Variants in PLA2G12A observed in about 807,000 individuals in gnomAD.
PLA2G12A encodes group XIIA secretory phospholipase A2.
PLA2G12A carries 11 observed loss-of-function variants against 16.0 expected under a neutral mutation model. The ratio of observed to expected loss-of-function variants is 0.69; its 90% CI spans 0.43 to 1.13. PLA2G12A has a LOEUF of 1.13. Among genes scored for constraint, PLA2G12A ranks in the 50% most tolerant of loss-of-function variants. PLA2G12A has a pLI of 0.00. For missense variants in PLA2G12A, 214 were observed against 237.3 expected (o/e 0.90, Z 0.65); for synonymous variants, 77 against 93.8 (o/e 0.82, Z 1.03).
At chr4:109,721,139 T>C (rs1027397452) in intron 1 of PLA2G12A, among the ~76,000 whole-genome samples, 2 of 151,968 alleles carry the variant, frequency 1.3e-5, no homozygotes, top group African/African-American at 4.8e-5. Context: ...CAAAAAGGAA[T>C]GGTTAAGATG....
chr4:109,720,770 T>TATA (rs1022803002), intron 1 of PLA2G12A, among the ~76,000 whole-genome samples: 2 of 150,200 alleles, frequency 1.3e-5, no homozygotes, highest in Non-Finnish European at 3.0e-5. Flanking sequence ...CTCACGAAGA[T>TATA]ATAAAGCTAT....
At position 109,713,964 on chromosome 4, in the gene PLA2G12A, G is replaced by A. The variant is rs1730779136; in HGVS notation, c.*413C>T. The A allele has an allele frequency of 6.2e-6, 1 of 161,358 alleles. No homozygotes were observed. Among genetic ancestry groups the A allele is most frequent in the Non-Finnish European group, 1.4e-5 (1 of 73,400 alleles). 10.0% of individuals were successfully genotyped at this position (161,358 alleles called of 1,614,324 possible). On this transcript the variant is annotated 3_prime_UTR_variant, in exon 4 of 4. Coordinates refer to ENST00000243501, the MANE Select transcript of PLA2G12A (RefSeq NM_030821.5). The stretch of plus-strand genomic sequence containing the variant: ...AAAATTTCATAGTAAACAAATACTT[G>A]TAAGTGATAATTTCCCCATTTTCCA...
intron 3 of PLA2G12A, 85 bp downstream of exon 3, chr4:109,717,463 A>G: frequency 1.5e-6 from 2 of 1,360,100 alleles, no homozygotes; most frequent in Non-Finnish European, 2.0e-6. Flanking sequence ...AAAGATTTCT[A>G]TTGGTAAATC....
chr4:109,729,637 C>A lies in PLA2G12A; in HGVS notation c.173G>T (p.Gly58Val). ...YLNAALDLLG[G>V]EDGLCQYKCS... is the part of the protein sequence containing the mutation. ...TTTATACTGGCAGAGACCGTCCTCG[C>A]CTCCCAGGAGGTCCAAGGCGGCGTT... Residue 58 changes from glycine (G) to valine (V), a missense_variant, in exon 1 of 4, where the codon GGC becomes GTC. Physicochemically the swap from Gly to Val is moderately radical, Grantham distance 109. Transcript: ENST00000243501. 1 of 1,611,994 alleles carries A rather than the reference C, an allele frequency of 6.2e-7. No homozygotes were observed. The highest frequency in any genetic ancestry group is 8.5e-7 in the Non-Finnish European group (1 of 1,179,826).
At chr4:109,725,096 GAAGA>G (rs1365301696) in intron 1 of PLA2G12A, among the ~76,000 whole-genome samples, 1 of 152,108 alleles carries the variant, frequency 6.6e-6, no homozygotes, top group African/African-American at 2.4e-5. Context: ...CGGTTTCTAT[GAAGA>G]AAGGACTTAG....
chr4:109,724,716 A>G (rs937420020), intron 1 of PLA2G12A, among the ~76,000 whole-genome samples: 1 of 152,208 alleles, frequency 6.6e-6, no homozygotes, highest in African/African-American at 2.4e-5. Flanking sequence ...GTAAAGAGGA[A>G]GAGATAGTAC....
chr4:109,724,701 G>C (rs150711500), intron 1 of PLA2G12A, among the ~76,000 whole-genome samples: 66 of 152,270 alleles, frequency 4.3e-4, no homozygotes, highest in African/African-American at 1.5e-3. Flanking sequence ...GCCCACCATA[G>C]GAGAGTAAAG....
Position 109,713,898 on chromosome 4 carries a change from GAAAAA to G in PLA2G12A, c.*474_*478del, listed in dbSNP as rs1371065173. The G allele has an allele frequency of 6.5e-6, 1 of 153,516 alleles. No homozygotes were observed. Among genetic ancestry groups the G allele is most frequent in the East Asian group, 1.9e-4 (1 of 5,306 alleles). 9.5% of individuals were successfully genotyped at this position (153,516 alleles called of 1,614,324 possible). ...TTACATATTATGTGTAATTAAAATAGAAAAAAAAAGTCCGTTCCTTCTAGGCATAA... is the reference window on the plus strand; with the variant it reads ...TTACATATTATGTGTAATTAAAATAGAAAAGTCCGTTCCTTCTAGGCATAA... On this transcript the variant is annotated 3_prime_UTR_variant, in exon 4 of 4. Coordinates refer to ENST00000243501, the MANE Select transcript of PLA2G12A (RefSeq NM_030821.5).
chr4:109,721,878 C>T (rs1415489718), intron 1 of PLA2G12A, among the ~76,000 whole-genome samples: 1 of 152,072 alleles, frequency 6.6e-6, no homozygotes, highest in African/African-American at 2.4e-5. Context: ...ATCCTGTTGA[C>T]TCTACCTTCA....
intron 3 of PLA2G12A, among the ~76,000 whole-genome samples, chr4:109,715,949 T>G (rs1426559961): frequency 6.6e-6 from 1 of 152,226 alleles, no homozygotes; most frequent in Non-Finnish European, 1.5e-5. Context: ...ATATTCATGT[T>G]AAGGAAGAAA....
At chr4:109,714,589 G>A (rs1730794074) in intron 3 of PLA2G12A, 94 bp from the exon 4 acceptor site, 4 of 803,588 alleles carry the variant, frequency 5.0e-6, no homozygotes, top group East Asian at 2.4e-5. Context: ...CATATCCCTC[G>A]TGAGCACTGA....
Position 109,714,428 on chromosome 4 carries a change from G to A in PLA2G12A, c.519C>T (p.Asp173=), listed in dbSNP as rs776382497. 11 of 1,614,080 alleles carry A rather than the reference G, an allele frequency of 6.8e-6. No homozygotes were observed. Among genetic ancestry groups the A allele is most frequent in the Non-Finnish European group, 9.3e-6 (11 of 1,179,982 alleles). Residue 173 remains aspartate (D), a synonymous_variant, in exon 4 of 4, where the codon GAC becomes GAT. Coordinates refer to ENST00000243501, the MANE Select transcript of PLA2G12A (RefSeq NM_030821.5). Reference sequence around the variant, plus strand: ...GACACCTGCATGCGGCTCGTTGGCTGTCCAGATATGGTTTACAACCTAAAT... The same window carrying A: ...GACACCTGCATGCGGCTCGTTGGCTATCCAGATATGGTTTACAACCTAAAT... The part of the protein sequence containing the change: ...VIHLGCKPYL[D]SQRAACRCHY...
Position 109,717,609 on chromosome 4 carries a change from A to G in PLA2G12A, c.390T>C (p.Tyr130=), listed in dbSNP as rs182638932. ...SKNDCDEEFQ[Y]CLSKICRDVQ... is the part of the protein sequence containing the mutation. ...CATCTCGGCAGATCTTGGAGAGGCA[A>G]TACTGGAATTCTTCATCACAGTCAT... The change falls in exon 3 of 4, where the codon TAT becomes TAC. Residue 130 remains tyrosine (Y), a synonymous_variant. Coordinates refer to ENST00000243501, the MANE Select transcript of PLA2G12A (RefSeq NM_030821.5). 356 of 1,613,764 alleles carry G rather than the reference A, an allele frequency of 2.2e-4. 1 individual carries two copies. The highest frequency in any genetic ancestry group is 3.3e-5 in the Non-Finnish European group (39 of 1,179,646).
At chr4:109,715,429 A>G (rs1730812111) in intron 3 of PLA2G12A, among the ~76,000 whole-genome samples, 1 of 151,708 alleles carries the variant, frequency 6.6e-6, no homozygotes, top group South Asian at 2.1e-4. Context: ...AATCAAAAGT[A>G]TTTTTCCCCA....
chr4:109,717,862 T>C, intron 2 of PLA2G12A, 149 bp from the exon 3 acceptor site: 1 of 818,626 alleles, frequency 1.2e-6, no homozygotes, highest in Non-Finnish European at 1.9e-6. Flanking sequence ...ATTTTCTGTG[T>C]TATAAATCTC....
chr4:109,717,488 A>T lies in PLA2G12A; in HGVS notation c.451+60T>A, dbSNP rs1730848064. Reference sequence around the variant, plus strand: ...ATTGGTAAATCCTATACTAAAACATAGAGCATTTGATACAACTTTAAAAAG... The same window carrying T: ...ATTGGTAAATCCTATACTAAAACATTGAGCATTTGATACAACTTTAAAAAG... On this transcript the variant is annotated intron_variant, in intron 3 of 3. Coordinates refer to ENST00000243501, the MANE Select transcript of PLA2G12A (RefSeq NM_030821.5). 4.7e-6 allele frequency: 7 copies of T among 1,500,470 alleles called. No homozygotes were observed. In the South Asian group the frequency reaches 7.2e-5, roughly 15 times the overall value. 92.9% of individuals were successfully genotyped at this position (1,500,470 alleles called of 1,614,324 possible).
intron 1 of PLA2G12A, among the ~76,000 whole-genome samples, chr4:109,726,632 T>C (rs989889748): frequency 1.3e-5 from 2 of 152,200 alleles, no homozygotes; most frequent in African/African-American, 4.8e-5. Flanking sequence ...ACTGAATTAA[T>C]TAATGACTTA....
At chr4:109,726,548 T>A (rs3266) in intron 1 of PLA2G12A, among the ~76,000 whole-genome samples, 1 of 152,068 alleles carries the variant, frequency 6.6e-6, no homozygotes, top group Non-Finnish European at 1.5e-5. Context: ...CCTGCTTCCA[T>A]TTTTACTCCC....
chr4:109,728,530 T>G (rs1048901808), intron 1 of PLA2G12A, among the ~76,000 whole-genome samples: 5 of 152,220 alleles, frequency 3.3e-5, no homozygotes, highest in African/African-American at 1.2e-4. Context: ...AGGCACAAAT[T>G]TAAGAAGCAA....
Sources: allele counts gnomAD v4.1 joint callset (sites outside exome capture counted in the v4.1 genomes callset), GRCh38; gene constraint gnomAD v4.1.1; transcripts MANE v1.5; gene names NCBI Gene and HGNC (gene_info 2026-07-23, HGNC 2026-07-21).